Variants in GRM7 observed in about 807,000 individuals in gnomAD.
The protein encoded by GRM7 is metabotropic glutamate receptor 7.
In GRM7, 35 loss-of-function variants were observed where a neutral mutation model predicts 84.5. That is an observed-to-expected ratio of 0.41 (90% CI 0.32 to 0.55). The LOEUF (loss-of-function observed/expected upper bound fraction) is 0.55, where lower values mean the gene tolerates loss of function less well. Among genes scored for constraint, GRM7 ranks in the 20% least tolerant of loss-of-function variants. The pLI is 0.19. For synonymous variants in GRM7, 487 were observed against 455.1 expected (o/e 1.07, Z -0.89); for missense variants, 1,003 against 1,194.6 (o/e 0.84, Z 2.36).
chr3:7,337,234 G>T (rs190030203), intron 4 of GRM7, among the ~76,000 whole-genome samples: 127 of 152,164 alleles, frequency 8.3e-4, no homozygotes, highest in Non-Finnish European at 1.6e-3. Flanking sequence ...AATAAAGCTG[G>T]ATCCTTCTCT....
At chr3:7,257,705 C>T (rs1298237642) in intron 2 of GRM7, among the ~76,000 whole-genome samples, 1 of 152,188 alleles carries the variant, frequency 6.6e-6, no homozygotes, top group African/African-American at 2.4e-5. Context: ...GCTTTTGCTA[C>T]ACCTTTCCTA....
At chr3:7,656,251 G>T (rs1042374667) in intron 8 of GRM7, among the ~76,000 whole-genome samples, 4 of 152,120 alleles carry the variant, frequency 2.6e-5, no homozygotes, top group African/African-American at 9.7e-5. Flanking sequence ...GCATTTGGGA[G>T]GCCAAGGCAG....
intron 1 of GRM7, among the ~76,000 whole-genome samples, chr3:7,116,670 A>C (rs941273534): frequency 2.0e-5 from 3 of 152,158 alleles, no homozygotes; most frequent in Non-Finnish European, 4.4e-5. Flanking sequence ...TAATTCTCCC[A>C]TAGTTATCGT....
intron 9 of GRM7, among the ~76,000 whole-genome samples, chr3:7,732,153 C>G (rs948350381): frequency 6.6e-5 from 10 of 152,124 alleles, no homozygotes; most frequent in Non-Finnish European, 1.5e-4. Context: ...TCACGCCATT[C>G]TCCTGCCTCA....
At chr3:6,995,323 T>C (rs1694791732) in intron 1 of GRM7, among the ~76,000 whole-genome samples, 1 of 152,240 alleles carries the variant, frequency 6.6e-6, no homozygotes, top group Admixed American at 6.5e-5. Flanking sequence ...GCACAAATAA[T>C]GGTCATAGAC....
At chr3:7,535,529 A>C (rs1021659721) in intron 7 of GRM7, among the ~76,000 whole-genome samples, 4 of 152,186 alleles carry the variant, frequency 2.6e-5, no homozygotes, top group Non-Finnish European at 5.9e-5. Flanking sequence ...ACCTCTATTC[A>C]CCTGGCTTCC....
chr3:7,224,314 G>A (rs1425865027), intron 2 of GRM7, among the ~76,000 whole-genome samples: 1 of 152,058 alleles, frequency 6.6e-6, no homozygotes, highest in Non-Finnish European at 1.5e-5. Context: ...TAAACAACTA[G>A]AACTCATGAG....
chr3:6,986,444 C>T (rs966120658), intron 1 of GRM7, among the ~76,000 whole-genome samples: 1 of 152,174 alleles, frequency 6.6e-6, no homozygotes, highest in African/African-American at 2.4e-5. Context: ...AAAACCTCAT[C>T]TCCTAGTAAT....
At chr3:7,208,674 T>C (rs1177294298) in intron 2 of GRM7, among the ~76,000 whole-genome samples, 1 of 152,116 alleles carries the variant, frequency 6.6e-6, no homozygotes, top group Non-Finnish European at 1.5e-5. Context: ...GTTCAGACCA[T>C]CATGGGTGCT....
chr3:7,352,064 CA>C (rs372594458), intron 4 of GRM7, among the ~76,000 whole-genome samples: 3 of 82,488 alleles, frequency 3.6e-5, no homozygotes, highest in African/African-American at 1.1e-4. Flanking sequence ...ACACCACACA[CA>C]CACACACACA....
chr3:7,537,942 C>T (rs186753447), intron 7 of GRM7, among the ~76,000 whole-genome samples: 116 of 152,178 alleles, frequency 7.6e-4, no homozygotes, highest in African/African-American at 2.6e-3. Flanking sequence ...TTTGTTTCCC[C>T]GCTCCCCACC....
intron 4 of GRM7, among the ~76,000 whole-genome samples, chr3:7,386,662 T>G (rs1256736897): frequency 6.6e-6 from 1 of 152,148 alleles, no homozygotes; most frequent in Non-Finnish European, 1.5e-5. Flanking sequence ...CATCATCCAA[T>G]TCACCATTAA....
chr3:7,602,791 G>C (rs1328079752), intron 8 of GRM7, among the ~76,000 whole-genome samples: 1 of 152,162 alleles, frequency 6.6e-6, no homozygotes, highest in African/African-American at 2.4e-5. Flanking sequence ...TTTGAAGCTT[G>C]CAAGTTTTGT....
chr3:7,123,576 C>G (rs1182839459), intron 1 of GRM7, among the ~76,000 whole-genome samples: 1 of 151,962 alleles, frequency 6.6e-6, no homozygotes, highest in Non-Finnish European at 1.5e-5. Flanking sequence ...CTGAGATTGC[C>G]CCACTGTACT....
intron 8 of GRM7, among the ~76,000 whole-genome samples, chr3:7,647,462 C>G (rs1393099961): frequency 6.6e-6 from 1 of 152,066 alleles, no homozygotes; most frequent in Non-Finnish European, 1.5e-5. Flanking sequence ...AGAGCAGGTA[C>G]AAGGGCACCC....
chr3:7,250,651 G>A (rs886070284), intron 2 of GRM7, among the ~76,000 whole-genome samples: 1 of 151,964 alleles, frequency 6.6e-6, no homozygotes, highest in African/African-American at 2.4e-5. Flanking sequence ...AGCCTCCCAA[G>A]TAGCTGGGAC....
chr3:6,930,241 C>A (rs543126648), intron 1 of GRM7, among the ~76,000 whole-genome samples: 3 of 152,224 alleles, frequency 2.0e-5, no homozygotes, highest in Middle Eastern at 3.4e-3. Flanking sequence ...AAAAGCCAAG[C>A]ATAGTACTGA....
intron 8 of GRM7, among the ~76,000 whole-genome samples, chr3:7,629,741 C>T (rs1172225716): frequency 1.1e-4 from 17 of 152,156 alleles, no homozygotes; most frequent in Admixed American, 1.0e-3. Flanking sequence ...GTCTTAAAAG[C>T]AAGCACAATT....
intron 1 of GRM7, among the ~76,000 whole-genome samples, chr3:7,094,143 G>A (rs141330029): frequency 6.6e-6 from 1 of 152,190 alleles, no homozygotes; most frequent in Non-Finnish European, 1.5e-5. Flanking sequence ...TTATATTTCA[G>A]TGAAAGAGAC....
Sources: allele counts gnomAD v4.1 joint callset (sites outside exome capture counted in the v4.1 genomes callset), GRCh38; gene constraint gnomAD v4.1.1; transcripts MANE v1.5; gene names NCBI Gene and HGNC (gene_info 2026-07-23, HGNC 2026-07-21).